The following NFIA variants were observed in gnomAD, a reference collection of about 807,000 sequenced individuals.
The protein encoded by NFIA is nuclear factor 1 A-type.
In NFIA, 8 loss-of-function variants were observed where a neutral mutation model predicts 62.8. The observed-to-expected ratio is 0.13, with a 90% CI of 0.07 to 0.23. The LOEUF is 0.23. Ranked by LOEUF, NFIA falls within the 10% of genes least tolerant of loss-of-function variation. The pLI is 1.00. For missense variants in NFIA, 410 were observed against 642.1 expected, an observed-to-expected ratio of 0.64 and a Z score of 3.91; for synonymous variants, 235 against 238.1, an observed-to-expected ratio of 0.99 and a Z score of 0.12.
At chr1:61,414,561 A>C (rs1666270493) in intron 9 of NFIA, among the ~76,000 whole-genome samples, 1 of 150,496 alleles carries the variant, frequency 6.6e-6, no homozygotes, top group South Asian at 2.1e-4. Flanking sequence ...TTCAGTGAAA[A>C]CCCAATGGGA....
chr1:61,441,046 C>G (rs1435507596), intron 10 of NFIA, among the ~76,000 whole-genome samples: 1 of 152,162 alleles, frequency 6.6e-6, no homozygotes, highest in Non-Finnish European at 1.5e-5. Flanking sequence ...AAACAACTTG[C>G]AAGGCCCCAA....
At chr1:61,271,930 T>C (rs1657531013) in intron 2 of NFIA, among the ~76,000 whole-genome samples, 2 of 152,236 alleles carry the variant, frequency 1.3e-5, no homozygotes, top group Non-Finnish European at 2.9e-5. Flanking sequence ...AAGAAAACTT[T>C]TATGGTATGA....
At chr1:61,140,753 C>T (rs894066296) in intron 2 of NFIA, among the ~76,000 whole-genome samples, 3 of 152,044 alleles carry the variant, frequency 2.0e-5, no homozygotes, top group African/African-American at 7.2e-5. Context: ...GGACGAAAAT[C>T]CCTATTTTCT....
At chr1:61,427,223 G>A (rs1272556905) in intron 10 of NFIA, among the ~76,000 whole-genome samples, 1 of 152,102 alleles carries the variant, frequency 6.6e-6, no homozygotes, top group Non-Finnish European at 1.5e-5. Flanking sequence ...GCTAGTCTAG[G>A]TCAAGGAGAA....
chr1:61,362,959 C>A (rs1158408038), intron 6 of NFIA, among the ~76,000 whole-genome samples: 2 of 152,022 alleles, frequency 1.3e-5, no homozygotes, highest in Admixed American at 6.6e-5. Flanking sequence ...GGAAAGAAAC[C>A]AATACACAGC....
chr1:61,127,325 C>T (rs973304172), intron 2 of NFIA, among the ~76,000 whole-genome samples: 4 of 151,402 alleles, frequency 2.6e-5, no homozygotes, highest in Admixed American at 6.6e-5. Context: ...GGCATGGTGG[C>T]GCACACCCAT....
intron 9 of NFIA, among the ~76,000 whole-genome samples, chr1:61,414,443 C>T (rs1356860909): frequency 6.6e-6 from 1 of 152,174 alleles, no homozygotes; most frequent in African/African-American, 2.4e-5. Flanking sequence ...TCATAATTTC[C>T]ATCCAATTCA....
At chr1:61,114,906 A>G (rs1229228466) in intron 2 of NFIA, among the ~76,000 whole-genome samples, 1 of 152,184 alleles carries the variant, frequency 6.6e-6, no homozygotes, top group African/African-American at 2.4e-5. Context: ...AGGAAGCTGG[A>G]ATACACTGGC....
chr1:61,162,093 A>C lies in NFIA; in HGVS notation c.559+73413A>C, dbSNP rs530329877. ...GTTTCCTTCAGGACCAAATCTGTGG[A>C]GAAGCTATGTACATGTATTTATTTT... On this transcript the variant is annotated intron_variant, in intron 2 of 10. Coordinates refer to ENST00000403491, the MANE Select transcript of NFIA (RefSeq NM_001134673.4). 1.6e-4 allele frequency among the ~76,000 whole-genome samples: 25 copies of C among 152,310 alleles called. No individual in the cohort carries two copies. In the South Asian group the frequency reaches 5.0e-3, roughly 30 times the overall value.
At chr1:61,368,820 A>T (rs1449482641) in intron 6 of NFIA, among the ~76,000 whole-genome samples, 7 of 152,238 alleles carry the variant, frequency 4.6e-5, no homozygotes, top group African/African-American at 1.7e-4. Flanking sequence ...ATTTGATAAC[A>T]TATATTACAC....
chr1:61,333,286 G>A (rs1049821584), intron 4 of NFIA, among the ~76,000 whole-genome samples: 1 of 152,150 alleles, frequency 6.6e-6, no homozygotes, highest in African/African-American at 2.4e-5. Flanking sequence ...TTGGTTTTGA[G>A]CAGCATCAGC....
intron 2 of NFIA, among the ~76,000 whole-genome samples, chr1:61,106,100 C>G (rs200241527): frequency 6.7e-6 from 1 of 149,046 alleles, no homozygotes; most frequent in Non-Finnish European, 1.5e-5. Context: ...CTCTCTCATG[C>G]ATCTATCTAT....
chr1:61,236,009 T>A (rs1654992462), intron 2 of NFIA, among the ~76,000 whole-genome samples: 1 of 152,140 alleles, frequency 6.6e-6, no homozygotes, highest in South Asian at 2.1e-4. Flanking sequence ...TACATGGTTC[T>A]GAACTTCACT....
intron 1 of NFIA, among the ~76,000 whole-genome samples, chr1:61,086,479 T>G (rs1367356506): frequency 2.6e-5 from 4 of 152,144 alleles, no homozygotes; most frequent in Non-Finnish European, 5.9e-5. Context: ...TTTTTTCTAT[T>G]CTCTCTCTAC....
intron 7 of NFIA, among the ~76,000 whole-genome samples, chr1:61,391,148 C>A (rs1664955131): frequency 6.6e-6 from 1 of 152,214 alleles, no homozygotes; most frequent in East Asian, 1.9e-4. Flanking sequence ...GCAGCCTCGA[C>A]CTCCTAGGCT....
Position 61,267,139 on chromosome 1 carries a change from C to T in NFIA, c.560-10381C>T, listed in dbSNP as rs1657223069. 3.3e-5 allele frequency among the ~76,000 whole-genome samples: 5 copies of T among 152,170 alleles called. 1 individual carries two copies. In the South Asian group the frequency reaches 1.0e-3, roughly 32 times the overall value. ...TTTCTATTAAAGGGAGGATACCAGG[C>T]CTAATTCAGAATAACATTCTGTACT... is the stretch of plus-strand genomic sequence containing the variant. On this transcript the variant is annotated intron_variant, in intron 2 of 10. Transcript: ENST00000403491.
intron 2 of NFIA, among the ~76,000 whole-genome samples, chr1:61,099,213 A>T (rs776213471): frequency 2.0e-5 from 3 of 152,206 alleles, no homozygotes; most frequent in Non-Finnish European, 4.4e-5. Flanking sequence ...GATTATGCAT[A>T]GCTTTTTACT....
chr1:61,444,524 T>G (rs916821188), intron 10 of NFIA, among the ~76,000 whole-genome samples: 1 of 152,078 alleles, frequency 6.6e-6, no homozygotes, highest in South Asian at 2.1e-4. Flanking sequence ...TCCTGAGGAG[T>G]GTTTTATTTA....
intron 2 of NFIA, among the ~76,000 whole-genome samples, chr1:61,184,148 A>C (rs553319557): frequency 7.3e-5 from 11 of 151,548 alleles, no homozygotes; most frequent in Non-Finnish European, 1.3e-4. Flanking sequence ...AAAAACCCAA[A>C]AAAACAAAAC....
Sources: gnomAD v4.1 joint callset for allele counts (sites outside exome capture counted in the v4.1 genomes callset) on GRCh38, gnomAD v4.1.1 for gene constraint, MANE v1.5 for transcripts, NCBI Gene and HGNC (gene_info 2026-07-23, HGNC 2026-07-21) for gene names.